Variants in HNMT observed in about 807,000 individuals in gnomAD.
HNMT encodes histamine N-methyltransferase.
A neutral mutation model predicts 32.1 loss-of-function variants in HNMT; 30 were observed. That is an observed-to-expected ratio of 0.93 (90% CI 0.70 to 1.27). The LOEUF (loss-of-function observed/expected upper bound fraction) is 1.27. Ranked by LOEUF, HNMT falls within the 50% of genes most tolerant of loss-of-function variation. The pLI is 0.00. For synonymous variants in HNMT, 125 were observed against 119.0 expected, an observed-to-expected ratio of 1.05 and a Z score of -0.33; for missense variants, 327 against 346.0, an observed-to-expected ratio of 0.95 and a Z score of 0.43.
Position 138,014,251 on chromosome 2 carries a change from G to T in HNMT, c.*121G>T, listed in dbSNP as rs1681598773. On this transcript the variant is annotated 3_prime_UTR_variant, in exon 6 of 6. Transcript: ENST00000280097. ...TAGATAAAGCACTGTTTGGATATGA[G>T]ATGTAGCAAATTCCAATACATTATT... The T allele has an allele frequency of 1.5e-6, 1 of 670,200 alleles. No homozygotes were observed. The highest frequency in any genetic ancestry group is 2.9e-5 in the Admixed American group (1 of 34,026). 41.5% of individuals were successfully genotyped at this position (670,200 alleles called of 1,614,324 possible).
At chr2:137,969,627 C>T (rs542628668) in intron 1 of HNMT, among the ~76,000 whole-genome samples, 40 of 152,278 alleles carry the variant, frequency 2.6e-4, no homozygotes, top group African/African-American at 9.4e-4. Context: ...CACTCTATTT[C>T]TAGTACCTGA....
At chr2:137,974,558 A>C (rs1680231015) in intron 2 of HNMT, among the ~76,000 whole-genome samples, 1 of 152,200 alleles carries the variant, frequency 6.6e-6, no homozygotes, top group Admixed American at 6.5e-5. Flanking sequence ...TCCAGAAAGC[A>C]GTCACGGCCA....
intron 4 of HNMT, among the ~76,000 whole-genome samples, chr2:138,003,729 G>A (rs1455165): frequency 0.072 from 10,898 of 151,958 alleles, 1,273 homozygotes; most frequent in African/African-American, 0.25. Flanking sequence ...AATAGAAACT[G>A]CCAGATACTC....
At chr2:137,967,964 G>A (rs1208626976) in intron 1 of HNMT, among the ~76,000 whole-genome samples, 4 of 152,090 alleles carry the variant, frequency 2.6e-5, no homozygotes, top group Non-Finnish European at 1.5e-5. Flanking sequence ...AAATAATGAG[G>A]CACTAAAAGG....
chr2:137,981,198 T>C (rs1573652161), intron 2 of HNMT: 2 of 1,612,042 alleles, frequency 1.2e-6, no homozygotes, highest in South Asian at 2.2e-5. Flanking sequence ...TTTAATCCCC[T>C]ATTTTCTTGA....
At chr2:137,970,961 GAAAGAAA>G (rs1680116667) in intron 2 of HNMT, among the ~76,000 whole-genome samples, 1 of 105,986 alleles carries the variant, frequency 9.4e-6, no homozygotes. Flanking sequence ...AAGAAAGAAA[GAAAGAAA>G]GAAAAAAGAA....
intron 2 of HNMT, chr2:137,981,756 T>C (rs768907594): frequency 2.0e-4 from 36 of 179,410 alleles, no homozygotes; most frequent in Admixed American, 4.0e-4. Flanking sequence ...TTTACACATA[T>C]GCAATTTAAA....
intron 2 of HNMT, among the ~76,000 whole-genome samples, chr2:138,000,583 T>A (rs973013): frequency 0.28 from 41,905 of 151,898 alleles, 6,360 homozygotes; most frequent in African/African-American, 0.38. Context: ...TCTTAAAATT[T>A]TAATTGACAG....
rs753417468 is a variant in HNMT at position 137,967,102 on chromosome 2, A to G, written c.137+2474A>G. On this transcript the variant is annotated intron_variant, in intron 1 of 5. Coordinates refer to ENST00000280097, the MANE Select transcript of HNMT (RefSeq NM_006895.3). ...ACTTTTCCACTGTCTTTTAGATACCAGAATTGCTGTTAACAAATAAAATAC... is the reference window on the plus strand; with the variant it reads ...ACTTTTCCACTGTCTTTTAGATACCGGAATTGCTGTTAACAAATAAAATAC... The G allele has an allele frequency of 1.2e-5, 9 of 780,498 alleles. No individual in the cohort carries two copies. In the Admixed American group the frequency reaches 1.2e-4, roughly 10 times the overall value. 48.3% of individuals were successfully genotyped at this position (780,498 alleles called of 1,614,324 possible).
chr2:137,967,708 T>C (rs1272649381), intron 1 of HNMT: 4 of 152,208 alleles, frequency 2.6e-5, no homozygotes, highest in African/African-American at 9.6e-5. Context: ...CCTGGATTGA[T>C]TACCTAATTT....
In HNMT at chr2:137,966,763, T is replaced by C. The variant is rs1180273234; in HGVS notation, c.137+2135T>C. ...CAAGGGAACAACTTTTCTGAAGCCC[T>C]CTGTTCTTTTTTTCAGTTTAGGAAG... is the stretch of plus-strand genomic sequence containing the variant. On this transcript the variant is annotated intron_variant, in intron 1 of 5. Coordinates refer to ENST00000280097, the MANE Select transcript of HNMT (RefSeq NM_006895.3). 2.8e-5 allele frequency among the ~76,000 whole-genome samples: 3 copies of C among 108,640 alleles called. No homozygotes were observed. In the East Asian group the frequency reaches 9.9e-4, roughly 36 times the overall value. 71.3% of individuals were successfully genotyped at this position (108,640 alleles called of 152,430 possible).
chr2:137,993,213 T>C (rs1349414523), intron 2 of HNMT, among the ~76,000 whole-genome samples: 2 of 152,116 alleles, frequency 1.3e-5, no homozygotes, highest in African/African-American at 4.8e-5. Flanking sequence ...ATGGACAAAT[T>C]GACAGAAGTA....
At chr2:137,981,717 C>T (rs1680505867) in intron 2 of HNMT, 1 of 263,158 alleles carries the variant, frequency 3.8e-6, no homozygotes, top group African/African-American at 2.2e-5. Context: ...ACACCTCTAA[C>T]CCTATAACAT....
chr2:137,976,082 C>T (rs1680277674), intron 2 of HNMT, among the ~76,000 whole-genome samples: 1 of 151,974 alleles, frequency 6.6e-6, no homozygotes, highest in African/African-American at 2.4e-5. Flanking sequence ...GCCTGGCCAA[C>T]ATAGTGAAAC....
chr2:137,999,974 C>T (rs1246537309), intron 2 of HNMT, among the ~76,000 whole-genome samples: 3 of 151,556 alleles, frequency 2.0e-5, no homozygotes, highest in African/African-American at 2.4e-5. Context: ...TCGTATACAC[C>T]GAGTAAGTGA....
chr2:137,981,078 A>T (rs1680480340), intron 2 of HNMT: 1 of 1,082,806 alleles, frequency 9.2e-7, no homozygotes, highest in Non-Finnish European at 1.3e-6. Context: ...TAATAATCTT[A>T]ATGCAACATG....
At chr2:137,969,085 G>A (rs917313255) in intron 1 of HNMT, among the ~76,000 whole-genome samples, 2 of 152,138 alleles carry the variant, frequency 1.3e-5, no homozygotes, top group Admixed American at 6.5e-5. Context: ...TGCCAAATTC[G>A]ATGGAGATTT....
chr2:137,983,344 T>C (rs1277798367), intron 2 of HNMT, among the ~76,000 whole-genome samples: 3 of 152,188 alleles, frequency 2.0e-5, no homozygotes, highest in Non-Finnish European at 4.4e-5. Context: ...CATTATACCA[T>C]TGTTGTAATT....
At chr2:138,005,390 C>T (rs2104981203) in intron 5 of HNMT, among the ~76,000 whole-genome samples, 165 bp downstream of exon 5, 1 of 152,160 alleles carries the variant, frequency 6.6e-6, no homozygotes, top group Non-Finnish European at 1.5e-5. Flanking sequence ...AAGTCATTCA[C>T]AACAGTTCTC....
Sources: gnomAD v4.1 joint callset for allele counts (sites outside exome capture counted in the v4.1 genomes callset) on GRCh38, gnomAD v4.1.1 for gene constraint, MANE v1.5 for transcripts, NCBI Gene and HGNC (gene_info 2026-07-23, HGNC 2026-07-21) for gene names.